Variants in NT5M observed in about 807,000 individuals in gnomAD.
NT5M encodes the protein 5'(3')-deoxyribonucleotidase, mitochondrial.
Under a neutral mutation model 22.2 loss-of-function variants are expected in NT5M, and 22 were observed. The ratio of observed to expected loss-of-function variants is 0.99; its 90% CI spans 0.71 to 1.41. The LOEUF is 1.41. Ranked by LOEUF, NT5M falls within the 40% of genes most tolerant of loss-of-function variation. The pLI, the probability that NT5M is intolerant of heterozygous loss-of-function variation, is 0.00. For synonymous variants in NT5M, 167 were observed against 133.0 expected, an observed-to-expected ratio of 1.26 and a Z score of -1.76; for missense variants, 322 against 314.8, an observed-to-expected ratio of 1.02 and a Z score of -0.17.
intron 3 of NT5M, among the ~76,000 whole-genome samples, chr17:17,341,405 C>T (rs1472821017): frequency 1.3e-5 from 2 of 152,132 alleles, no homozygotes; most frequent in Admixed American, 6.6e-5. Flanking sequence ...GTCCCCAGCT[C>T]GTATGTATCA....
chr17:17,315,139 T>A (rs542021700), intron 2 of NT5M, among the ~76,000 whole-genome samples: 592 of 107,050 alleles, frequency 5.5e-3, no homozygotes, highest in Non-Finnish European at 6.6e-3. Flanking sequence ...TAAAAAAAAA[T>A]TTTTTTTTAA....
chr17:17,303,658 A>G lies in NT5M; in HGVS notation c.108A>G (p.Leu36=). The change falls in exon 1 of 5, where the codon CTA becomes CTG. Residue 36 remains leucine, a synonymous_variant. Transcript: ENST00000389022. ...GGLGLAGGRA[L]RVLVDMDGVL... is the part of the protein sequence containing the mutation. ...TGGGCCTGGCGGGAGGCCGCGCCCT[A>G]CGGGTGCTGGTGGACATGGACGGCG... The G allele has an allele frequency of 2.0e-6, 3 of 1,537,316 alleles. No individual in the cohort carries two copies. The highest frequency in any genetic ancestry group is 2.6e-6 in the Non-Finnish European group (3 of 1,142,054).
intron 3 of NT5M, among the ~76,000 whole-genome samples, chr17:17,334,978 C>A (rs1178130823): frequency 2.0e-5 from 3 of 152,160 alleles, no homozygotes; most frequent in Non-Finnish European, 1.5e-5. Context: ...GTCTTCTGAT[C>A]CACAAGCACA....
intron 3 of NT5M, among the ~76,000 whole-genome samples, chr17:17,343,530 C>CTTTG (rs897512885): frequency 2.5e-4 from 38 of 152,268 alleles, no homozygotes; most frequent in African/African-American, 8.7e-4. Context: ...AGTGGGACTC[C>CTTTG]TGAAGCGACC....
chr17:17,346,812 G>A lies in NT5M; in HGVS notation c.552G>A (p.Glu184=), dbSNP rs746977625. 40 of 1,606,964 alleles carry A rather than the reference G, an allele frequency of 2.5e-5. No homozygotes were observed. The African/African-American group carries it at 5.1e-4, about 20-fold the overall frequency. ...IDDRPDITGA[E]PTPSWEHVLF... is the part of the protein sequence containing the mutation. Reference sequence around the variant, plus strand: ...CCGCTTTCCCACCCACAGGGGCCGAGCCAACCCCCAGCTGGGAGCATGTCC... The same window carrying A: ...CCGCTTTCCCACCCACAGGGGCCGAACCAACCCCCAGCTGGGAGCATGTCC... Residue 184 remains glutamate, a synonymous_variant, in exon 5 of 5, where the codon GAG becomes GAA. Transcript: ENST00000389022.
At chr17:17,333,259 A>C (rs2049425398) in intron 3 of NT5M, among the ~76,000 whole-genome samples, 2 of 152,298 alleles carry the variant, frequency 1.3e-5, no homozygotes, top group South Asian at 4.1e-4. Context: ...AATGTGTTTT[A>C]CAAATATTTT....
At position 17,303,679 on chromosome 17, in the gene NT5M, CG is replaced by C; in HGVS notation, c.131del (p.Gly44AlafsTer45). On this transcript the variant is annotated frameshift_variant, in exon 1 of 5. Transcript: ENST00000389022. LOFTEE classifies it high-confidence loss of function. ...CCCTACGGGTGCTGGTGGACATGGA[CG>C]GCGTGCTGGCTGACTTCGAGGGCGG... ...RALRVLVDMD[G>X]VLADFEGGFL... is the part of the protein sequence containing the mutation. 1 of 1,579,994 alleles carries C rather than the reference CG, an allele frequency of 6.3e-7. No homozygotes were observed.
chr17:17,332,216 T>C (rs1296401539), intron 3 of NT5M, among the ~76,000 whole-genome samples: 1 of 152,202 alleles, frequency 6.6e-6, no homozygotes, highest in Non-Finnish European at 1.5e-5. Context: ...TTTTGCCTGC[T>C]AGGGACTGTG....
intron 2 of NT5M, among the ~76,000 whole-genome samples, chr17:17,319,215 A>G (rs915262010): frequency 6.1e-5 from 9 of 148,610 alleles, no homozygotes; most frequent in African/African-American, 2.3e-4. Flanking sequence ...TCGTCTTAGA[A>G]AAAAAAAAAA....
intron 3 of NT5M, among the ~76,000 whole-genome samples, chr17:17,324,357 G>A (rs2049220382): frequency 1.3e-5 from 2 of 151,630 alleles, no homozygotes; most frequent in African/African-American, 2.4e-5. Flanking sequence ...AGTGGTTCAT[G>A]CCTGTAGTCC....
At chr17:17,308,784 A>G (rs1314798134) in intron 2 of NT5M, among the ~76,000 whole-genome samples, 1 of 152,116 alleles carries the variant, frequency 6.6e-6, no homozygotes, top group Non-Finnish European at 1.5e-5. Context: ...CCTGGCAACC[A>G]CTAATCTACT....
intron 2 of NT5M, among the ~76,000 whole-genome samples, chr17:17,310,038 A>G (rs967578880): frequency 7.2e-5 from 11 of 151,944 alleles, no homozygotes; most frequent in Non-Finnish European, 1.5e-4. Flanking sequence ...GTTAGCCAGG[A>G]TGGTCTTGAT....
At chr17:17,312,414 G>C (rs957104832) in intron 2 of NT5M, among the ~76,000 whole-genome samples, 1 of 152,030 alleles carries the variant, frequency 6.6e-6, no homozygotes, top group African/African-American at 2.4e-5. Flanking sequence ...GGCCAAGGTG[G>C]GCAGATCACC....
At chr17:17,334,644 T>G (rs113217197) in intron 3 of NT5M, among the ~76,000 whole-genome samples, 3,461 of 151,726 alleles carry the variant, frequency 0.023, 133 homozygotes, top group African/African-American at 0.08. Flanking sequence ...CCCAGCTAAT[T>G]TTTGTATTTT....
chr17:17,303,835 G>T lies in NT5M; in HGVS notation c.267+18G>T, dbSNP rs2145301623. On this transcript the variant is annotated intron_variant, in intron 1 of 4. Transcript: ENST00000389022. ...GGCTGAGCGTGAGCGTCCCCGCCCC[G>T]CCCCGCGCCGGGCCTCCTTCTCGCC... The T allele has an allele frequency of 7.3e-7, 1 of 1,378,676 alleles. No individual in the cohort carries two copies. The highest frequency in any genetic ancestry group is 1.5e-5 in the African/African-American group (1 of 67,308). 85.4% of individuals were successfully genotyped at this position (1,378,676 alleles called of 1,614,324 possible). A position where few individuals can be genotyped will look rare whatever the true frequency, so the allele number is the denominator to read the frequency against.
At chr17:17,339,729 A>G (rs1257479256) in intron 3 of NT5M, among the ~76,000 whole-genome samples, 1 of 152,218 alleles carries the variant, frequency 6.6e-6, no homozygotes. Context: ...ACCAATTGAA[A>G]TAATCATATG....
chr17:17,345,654 C>CAAAAA (rs200957034), intron 4 of NT5M, among the ~76,000 whole-genome samples: 11 of 145,672 alleles, frequency 7.6e-5, no homozygotes, highest in African/African-American at 1.8e-4. Context: ...AAAAAAAACA[C>CAAAAA]AAAAAAATTA....
chr17:17,336,397 A>G (rs2049512801), intron 3 of NT5M, among the ~76,000 whole-genome samples: 1 of 151,770 alleles, frequency 6.6e-6, no homozygotes, highest in Non-Finnish European at 1.5e-5. Flanking sequence ...CCATCCTCCT[A>G]CTATCTCCAT....
At chr17:17,330,683 A>G (rs1294053627) in intron 3 of NT5M, among the ~76,000 whole-genome samples, 2 of 146,268 alleles carry the variant, frequency 1.4e-5, no homozygotes, top group Non-Finnish European at 3.0e-5. Flanking sequence ...GCCAACATAG[A>G]CCATTTTTTT....
Sources: allele counts gnomAD v4.1 joint callset (sites outside exome capture counted in the v4.1 genomes callset), GRCh38; gene constraint gnomAD v4.1.1; transcripts MANE v1.5; gene names NCBI Gene and HGNC (gene_info 2026-07-23, HGNC 2026-07-21).